The following SLIT2 variants were observed in gnomAD, a reference collection of about 807,000 sequenced individuals.
SLIT2 encodes slit guidance ligand 2, also known as slit homolog 2 protein.
Under a neutral mutation model 185.7 loss-of-function variants are expected in SLIT2, and 41 were observed. That is an observed-to-expected ratio of 0.22 (90% CI 0.17 to 0.29). The LOEUF is 0.29. Among genes scored for constraint, SLIT2 ranks in the 10% least tolerant of loss-of-function variants. SLIT2 has a pLI of 1.00. For synonymous variants in SLIT2, 693 were observed against 680.2 expected (o/e 1.02, Z -0.29); for missense variants, 1,571 against 1,909.0 (o/e 0.82, Z 3.30).
In SLIT2 at chr4:20,410,201, G is replaced by A. The variant is rs186512257; in HGVS notation, c.396-57551G>A. ...TCTATTAGGGTTTTTATAGTTTTGC[G>A]TTTCACATTTAAGTCTTGGTTTTTT... On this transcript the variant is annotated intron_variant, in intron 4 of 36. Transcript: ENST00000504154. Among the ~76,000 whole-genome samples, 29 of 126,356 alleles carry A rather than the reference G, an allele frequency of 2.3e-4. No homozygotes were observed. In the East Asian group the frequency reaches 5.3e-3, roughly 23 times the overall value. The allele number at this position is 126,356 out of a possible 152,430, so 82.9% of individuals were successfully genotyped here.
intron 12 of SLIT2, among the ~76,000 whole-genome samples, chr4:20,520,005 G>A (rs948653811): frequency 3.2e-5 from 4 of 123,360 alleles, no homozygotes; most frequent in East Asian, 2.7e-4. Context: ...CTGCACTCCA[G>A]CCCGGGCGAC....
chr4:20,378,481 G>T (rs967806173), intron 4 of SLIT2, among the ~76,000 whole-genome samples: 1 of 152,072 alleles, frequency 6.6e-6, no homozygotes, highest in Admixed American at 6.6e-5. Context: ...AGTTTCAGAA[G>T]ATTTTGAGCT....
At chr4:20,352,553 C>A (rs1721972334) in intron 4 of SLIT2, among the ~76,000 whole-genome samples, 1 of 152,120 alleles carries the variant, frequency 6.6e-6, no homozygotes, top group Non-Finnish European at 1.5e-5. Context: ...TTAACTTGTA[C>A]CTTCAAATTT....
intron 6 of SLIT2, among the ~76,000 whole-genome samples, chr4:20,485,118 C>T (rs1717089321): frequency 1.3e-5 from 2 of 152,156 alleles, no homozygotes; most frequent in Admixed American, 6.6e-5. Flanking sequence ...CCTTTAGTCT[C>T]TCCCAGTCTT....
At chr4:20,373,983 G>T (rs903209564) in intron 4 of SLIT2, among the ~76,000 whole-genome samples, 2 of 152,058 alleles carry the variant, frequency 1.3e-5, no homozygotes, top group African/African-American at 4.8e-5. Context: ...CTTAGAAATT[G>T]CTGTCATCTG....
At chr4:20,526,370 A>G (rs1030247967) in intron 15 of SLIT2, among the ~76,000 whole-genome samples, 1 of 152,098 alleles carries the variant, frequency 6.6e-6, no homozygotes, top group Non-Finnish European at 1.5e-5. Flanking sequence ...ATTGGCCTTC[A>G]TTGACAATGT....
intron 12 of SLIT2, among the ~76,000 whole-genome samples, chr4:20,519,877 A>G (rs1443359990): frequency 6.6e-6 from 1 of 151,714 alleles, no homozygotes; most frequent in Non-Finnish European, 1.5e-5. Context: ...CTAACAAACA[A>G]AAAATTAGCC....
At chr4:20,412,640 A>C (rs1727348429) in intron 4 of SLIT2, among the ~76,000 whole-genome samples, 1 of 152,110 alleles carries the variant, frequency 6.6e-6, no homozygotes, top group Non-Finnish European at 1.5e-5. Context: ...CATAATTTTT[A>C]AATAAAATTT....
chr4:20,560,207 A>G (rs553160733), intron 26 of SLIT2, among the ~76,000 whole-genome samples: 1 of 152,116 alleles, frequency 6.6e-6, no homozygotes, highest in African/African-American at 2.4e-5. Flanking sequence ...TTGTCAATGT[A>G]TAATTTCAAA....
At chr4:20,618,706 G>A (rs1438278547) in intron 36 of SLIT2, 62 bp from the exon 37 acceptor site, 7 of 1,488,030 alleles carry the variant, frequency 4.7e-6, no homozygotes, top group Admixed American at 2.1e-5. Flanking sequence ...TGGATTCACA[G>A]TCACTCTGCA....
intron 4 of SLIT2, among the ~76,000 whole-genome samples, chr4:20,329,932 C>T (rs1370946645): frequency 2.6e-5 from 4 of 152,002 alleles, no homozygotes; most frequent in African/African-American, 9.7e-5. Context: ...TTTTCTTGAC[C>T]TGCGTGCTCT....
intron 4 of SLIT2, among the ~76,000 whole-genome samples, chr4:20,350,878 T>C (rs1297061134): frequency 1.3e-5 from 2 of 152,146 alleles, no homozygotes; most frequent in East Asian, 1.9e-4. Flanking sequence ...AAAAGTAATA[T>C]AATATTAAAA....
At chr4:20,556,241 T>TGA (rs1373771349) in intron 26 of SLIT2, among the ~76,000 whole-genome samples, 3 of 151,732 alleles carry the variant, frequency 2.0e-5, no homozygotes, top group South Asian at 2.1e-4. Context: ...TTTTGTAAAG[T>TGA]GAGAGAGAGA....
Position 20,528,282 on chromosome 4 carries a change from T to C in SLIT2, c.1463-667T>C, listed in dbSNP as rs1721478291. On this transcript the variant is annotated intron_variant, in intron 15 of 36. Coordinates refer to ENST00000504154, the MANE Select transcript of SLIT2 (RefSeq NM_004787.4). The surrounding 1 kb of genome is among the most constrained non-coding windows in gnomAD (Gnocchi z 4.2). ...GGCCTAGTGGTTGGTGTAGTGATAATGTAGCGAGATTTTCTGTTGTGCTTG... is the reference window on the plus strand; with the variant it reads ...GGCCTAGTGGTTGGTGTAGTGATAACGTAGCGAGATTTTCTGTTGTGCTTG... 1.9e-6 allele frequency: 1 copy of C among 534,740 alleles called. No individual in the cohort carries two copies. The highest frequency in any genetic ancestry group is 1.4e-5 in the South Asian group (1 of 71,592). The allele number at this position is 534,740 out of a possible 1,614,324, so 33.1% of individuals were successfully genotyped here.
intron 4 of SLIT2, among the ~76,000 whole-genome samples, chr4:20,386,888 C>T (rs1481402784): frequency 1.3e-5 from 2 of 152,274 alleles, no homozygotes; most frequent in African/African-American, 2.4e-5. Flanking sequence ...CCATGAACCA[C>T]GGGGTATGTG....
At position 20,251,996 on chromosome 4, in the gene SLIT2, A is replaced by AGCGGCGGCGGCGGCGGCGGC. The variant is rs1560252946; in HGVS notation, c.-1819_-1818insCGGCGGCGGCGGCGGCGGCG. The stretch of plus-strand genomic sequence containing the variant: ...CCGCAGACTGTGGTTAAAAAAAAGA[A>AGCGGCGGCGGCGGCGGCGGC]GGCGGCGGCGGCGGCGGCGGCGGAG... On this transcript the variant is annotated 5_prime_UTR_variant, in exon 1 of 37. Transcript: ENST00000504154. Among the ~76,000 whole-genome samples, 1 of 151,000 alleles carries AGCGGCGGCGGCGGCGGCGGC rather than the reference A, an allele frequency of 6.6e-6. No individual in the cohort carries two copies. The highest frequency in any genetic ancestry group is 6.6e-5 in the Admixed American group (1 of 15,204).
At position 20,618,931 on chromosome 4, in the gene SLIT2, C is replaced by A. The variant is rs370110126; in HGVS notation, c.4512C>A (p.Phe1504Leu). The change falls in exon 37 of 37, where the codon TTC becomes TTA. Residue 1504 changes from phenylalanine (F) to leucine (L), a missense_variant. Physicochemically the swap from Phe to Leu is conservative, Grantham distance 22. Coordinates refer to ENST00000504154, the MANE Select transcript of SLIT2 (RefSeq NM_004787.4). ...PLRSKRRKYS[F>L]ECTDGSSFVD... ...GGAGCAAGCGGCGGAAATACTCTTTCGAATGCACTGACGGCTCCTCCTTTG... is the reference window on the plus strand; with the variant it reads ...GGAGCAAGCGGCGGAAATACTCTTTAGAATGCACTGACGGCTCCTCCTTTG... The A allele has an allele frequency of 1.2e-5, 19 of 1,614,040 alleles. No homozygotes were observed. Among genetic ancestry groups the A allele is most frequent in the Non-Finnish European group, 1.4e-5 (17 of 1,180,004 alleles).
At chr4:20,561,768 G>T (rs980660125) in intron 26 of SLIT2, among the ~76,000 whole-genome samples, 1 of 151,594 alleles carries the variant, frequency 6.6e-6, no homozygotes, top group African/African-American at 2.4e-5. Context: ...GAACATTCAG[G>T]TTTGGATATG....
chr4:20,410,243 CTTTTTTTTTTTT>C (rs1160985126), intron 4 of SLIT2, among the ~76,000 whole-genome samples: 4 of 69,050 alleles, frequency 5.8e-5, no homozygotes, highest in Non-Finnish European at 1.1e-4. Context: ...TCTTTCTTTT[CTTTTTTTTTTTT>C]TTTTTTTTTT....
Sources: allele counts gnomAD v4.1 joint callset (sites outside exome capture counted in the v4.1 genomes callset), GRCh38; gene constraint gnomAD v4.1.1; non-coding constraint Gnocchi (gnomAD v3.1); transcripts MANE v1.5; gene names NCBI Gene and HGNC (gene_info 2026-07-23, HGNC 2026-07-21).